The following JAKMIP3 variants were observed in gnomAD, a reference collection of about 807,000 sequenced individuals.
JAKMIP3 encodes the protein janus kinase and microtubule-interacting protein 3.
JAKMIP3 carries 58 observed loss-of-function variants against 118.5 expected under a neutral mutation model. The observed-to-expected ratio is 0.49, with a 90% CI of 0.40 to 0.61. The LOEUF (loss-of-function observed/expected upper bound fraction) is 0.61, where lower values mean the gene tolerates loss of function less well. Among genes scored for constraint, JAKMIP3 ranks in the 20% least tolerant of loss-of-function variants. The probability of loss-of-function intolerance (pLI) is 0.00; values close to 1 mark genes in which losing one functional copy is unlikely to be tolerated. For synonymous variants in JAKMIP3, 486 were observed against 451.2 expected (o/e 1.08, Z -0.98); for missense variants, 950 against 1,109.0 (o/e 0.86, Z 2.04).
intron 1 of JAKMIP3, 51 bp from the exon 2 acceptor site, chr10:132,104,621 A>C (rs939776308): frequency 3.2e-6 from 2 of 618,846 alleles, no homozygotes; most frequent in Non-Finnish European, 5.6e-6. Context: ...CCTGAGCTCC[A>C]GGCCACGGCT....
Position 132,180,530 on chromosome 10 carries a change from T to TGTGTGTGTGTGTGTGTGTGCGC in JAKMIP3, c.*1104-1812_*1104-1811insTGTGCGCGTGTGTGTGTGTGTG, listed in dbSNP as rs776553583. 6.6e-4 allele frequency among the ~76,000 whole-genome samples: 21 copies of TGTGTGTGTGTGTGTGTGTGCGC among 31,952 alleles called. 8 individuals are homozygous for TGTGTGTGTGTGTGTGTGTGCGC. Among genetic ancestry groups the TGTGTGTGTGTGTGTGTGTGCGC allele is most frequent in the African/African-American group, 1.0e-3 (5 of 5,012 alleles). 21.0% of individuals were successfully genotyped at this position (31,952 alleles called of 152,430 possible). A position where few individuals can be genotyped will look rare whatever the true frequency, so the allele number is the denominator to read the frequency against. On this transcript the variant is annotated intron_variant, in intron 23 of 23. Coordinates refer to ENST00000684848, the MANE Select transcript of JAKMIP3 (RefSeq NM_001323087.2). The stretch of plus-strand genomic sequence containing the variant: ...GCAAACCTGGAAGCAGAACTGTGTG[T>TGTGTGTGTGTGTGTGTGTGCGC]GTGTGTGTGTGTGTGCGTGCGTGCA...
At chr10:132,079,340 C>G (rs1018850904) in intron 1 of JAKMIP3, among the ~76,000 whole-genome samples, 61 of 152,274 alleles carry the variant, frequency 4.0e-4, no homozygotes, top group African/African-American at 1.4e-3. Flanking sequence ...AGGCTCTGGC[C>G]CCACTGCCTT....
At chr10:132,075,096 G>A (rs900907205) in intron 1 of JAKMIP3, among the ~76,000 whole-genome samples, 1 of 152,138 alleles carries the variant, frequency 6.6e-6, no homozygotes, top group African/African-American at 2.4e-5. Context: ...AGTATAATTT[G>A]AAATCAGGTA....
In JAKMIP3 at chr10:132,180,585, G is replaced by A. The variant is rs1234279471; in HGVS notation, c.*1104-1772G>A. Among the ~76,000 whole-genome samples the A allele has an allele frequency of 2.7e-4, 11 of 41,086 alleles. 1 individual carries two copies. The highest frequency in any genetic ancestry group is 1.7e-3 in the East Asian group (3 of 1,798). 27.0% of individuals were successfully genotyped at this position (41,086 alleles called of 152,430 possible). On this transcript the variant is annotated intron_variant, in intron 23 of 23. Transcript: ENST00000684848. ...TGTGTGTGCGTGTGTGTGTGCGTGC[G>A]CGTGTGTGTGTGCGTGCGCGTGTGT...
At chr10:132,146,286 CG>C (rs2054596762) in intron 13 of JAKMIP3, among the ~76,000 whole-genome samples, 1 of 152,060 alleles carries the variant, frequency 6.6e-6, no homozygotes, top group Non-Finnish European at 1.5e-5. Context: ...AGGTTTCTCT[CG>C]GCACCTCCCA....
At chr10:132,147,024 G>A (rs1302325829) in intron 13 of JAKMIP3, among the ~76,000 whole-genome samples, 5 of 152,338 alleles carry the variant, frequency 3.3e-5, no homozygotes, top group Middle Eastern at 3.4e-3. Flanking sequence ...ATGCTGGCAC[G>A]CACATGGAAA....
chr10:132,174,403 C>T (rs1590042140), intron 23 of JAKMIP3, among the ~76,000 whole-genome samples: 1 of 151,774 alleles, frequency 6.6e-6, no homozygotes, highest in Admixed American at 6.6e-5. Flanking sequence ...GGCTCAATGG[C>T]CTCCGTGGCC....
chr10:132,055,189 C>T (rs1237331549), intron 1 of JAKMIP3, among the ~76,000 whole-genome samples: 1 of 152,176 alleles, frequency 6.6e-6, no homozygotes, highest in African/African-American at 2.4e-5. Flanking sequence ...CTTTCCTCAA[C>T]AGGAGTAGTG....
chr10:132,119,645 C>T (rs942354812), intron 3 of JAKMIP3, among the ~76,000 whole-genome samples: 7 of 152,220 alleles, frequency 4.6e-5, no homozygotes, highest in African/African-American at 1.7e-4. Context: ...CGTTCTCCTG[C>T]TTTGTTCACC....
intron 1 of JAKMIP3, among the ~76,000 whole-genome samples, chr10:132,043,736 T>G (rs2037828300): frequency 6.6e-6 from 1 of 152,126 alleles, no homozygotes; most frequent in Admixed American, 6.5e-5. Flanking sequence ...AGCGGGGCCC[T>G]TTCCAGCCCT....
chr10:132,169,243 G>A (rs1441930458), intron 23 of JAKMIP3, among the ~76,000 whole-genome samples: 1 of 152,190 alleles, frequency 6.6e-6, no homozygotes, highest in Non-Finnish European at 1.5e-5. Context: ...GCTGGGGCAG[G>A]GTCTGCAGAC....
chr10:132,106,209 G>T (rs971984625), intron 2 of JAKMIP3, among the ~76,000 whole-genome samples: 1 of 152,062 alleles, frequency 6.6e-6, no homozygotes, highest in African/African-American at 2.4e-5. Flanking sequence ...GCGGTGGTAT[G>T]CTCCTGTGGG....
At chr10:132,084,460 G>A (rs1041613193) in intron 1 of JAKMIP3, among the ~76,000 whole-genome samples, 2 of 152,122 alleles carry the variant, frequency 1.3e-5, no homozygotes, top group African/African-American at 4.8e-5. Context: ...GGTTCTCTAG[G>A]TATACAATCA....
chr10:132,132,001 T>C (rs1206240051), intron 3 of JAKMIP3, among the ~76,000 whole-genome samples: 2 of 152,066 alleles, frequency 1.3e-5, no homozygotes, highest in Non-Finnish European at 2.9e-5. Context: ...AGTCTGAGAG[T>C]GTAAATGCCA....
At position 132,152,753 on chromosome 10, in the gene JAKMIP3, C is replaced by A. The variant is rs1243523866; in HGVS notation, c.2008-205C>A. ...GAGGGAGAATGAGAGAAAACAAAAT[C>A]GGCAGCACCCGGAGGGAACAAGCTC... On this transcript the variant is annotated intron_variant, in intron 16 of 23. Coordinates refer to ENST00000684848, the MANE Select transcript of JAKMIP3 (RefSeq NM_001323087.2). Among the ~76,000 whole-genome samples the A allele has an allele frequency of 2.0e-5, 3 of 152,162 alleles. 1 individual carries two copies. Among genetic ancestry groups the A allele is most frequent in the Admixed American group, 2.0e-4 (3 of 15,276 alleles).
chr10:132,079,753 G>C (rs7072786), intron 1 of JAKMIP3, among the ~76,000 whole-genome samples: 40,092 of 151,926 alleles, frequency 0.26, 5,444 homozygotes, highest in Middle Eastern at 0.4. Flanking sequence ...ACTTCCCCTC[G>C]TCCAGGCCCT....
In JAKMIP3 at chr10:132,183,252, C is replaced by T. The variant is rs1022600151; in HGVS notation, c.*1999C>T. On this transcript the variant is annotated 3_prime_UTR_variant, in exon 24 of 24. Coordinates refer to ENST00000684848, the MANE Select transcript of JAKMIP3 (RefSeq NM_001323087.2). ...GCAGGCATCCAGAAATATGTTGTAACTCTACCTGGCTCCCTGCCAGCCTGG... is the reference window on the plus strand; with the variant it reads ...GCAGGCATCCAGAAATATGTTGTAATTCTACCTGGCTCCCTGCCAGCCTGG... 1 of 152,240 alleles carries T rather than the reference C, an allele frequency of 6.6e-6. No individual in the cohort carries two copies. The highest frequency in any genetic ancestry group is 1.5e-5 in the Non-Finnish European group (1 of 68,052). 9.4% of individuals were successfully genotyped at this position (152,240 alleles called of 1,614,324 possible). A position where few individuals can be genotyped will look rare whatever the true frequency, so the allele number is the denominator to read the frequency against.
At chr10:132,052,685 CTTTTG>C (rs1250637632) in intron 1 of JAKMIP3, among the ~76,000 whole-genome samples, 5 of 152,160 alleles carry the variant, frequency 3.3e-5, no homozygotes, top group Admixed American at 1.3e-4. Flanking sequence ...TCCATTGTGC[CTTTTG>C]TTTTAATTTA....
chr10:132,088,177 T>G (rs567689927), intron 1 of JAKMIP3, among the ~76,000 whole-genome samples: 1 of 152,088 alleles, frequency 6.6e-6, no homozygotes, highest in Non-Finnish European at 1.5e-5. Context: ...TATGTGTGCA[T>G]GTGTCTTTAT....
Sources: allele counts gnomAD v4.1 joint callset (sites outside exome capture counted in the v4.1 genomes callset), GRCh38; gene constraint gnomAD v4.1.1; transcripts MANE v1.5; gene names NCBI Gene and HGNC (gene_info 2026-07-23, HGNC 2026-07-21).